DRD2: variants seen among roughly 807,000 people sequenced by gnomAD.
The protein encoded by DRD2 is D(2) dopamine receptor.
In DRD2, 8 loss-of-function variants were observed where a neutral mutation model predicts 38.0. The observed-to-expected ratio is 0.21, with a 90% CI of 0.12 to 0.38. DRD2 has a LOEUF of 0.38. DRD2 is among the 10% of genes least tolerant of loss of function. The pLI is 1.00. For missense variants in DRD2, 403 were observed against 607.7 expected (o/e 0.66, Z 3.54); for synonymous variants, 230 against 238.6 (o/e 0.96, Z 0.33).
rs114281160 is a variant in DRD2, at chr11:113,455,569, A to T, written c.-32+19507T>A. 6.5e-3 allele frequency among the ~76,000 whole-genome samples: 983 copies of T among 152,236 alleles called. 8 individuals carry two copies. Among genetic ancestry groups the T allele is most frequent in the African/African-American group, 0.023 (946 of 41,552 alleles). Reference sequence around the variant, plus strand: ...AGCTCATATACAAAACATATAAGGAACTCAAACTACTCAATACCAAGACAA... The same window carrying T: ...AGCTCATATACAAAACATATAAGGATCTCAAACTACTCAATACCAAGACAA... On this transcript the variant is annotated intron_variant, in intron 1 of 7. Coordinates refer to ENST00000362072, the MANE Select transcript of DRD2 (RefSeq NM_000795.4).
intron 1 of DRD2, among the ~76,000 whole-genome samples, chr11:113,470,836 G>A (rs1345994744): frequency 6.6e-6 from 1 of 152,146 alleles, no homozygotes; most frequent in Non-Finnish European, 1.5e-5. Flanking sequence ...GGAAGAGGGA[G>A]GCCTCAGACC....
chr11:113,467,736 A>G (rs760771517), intron 1 of DRD2, among the ~76,000 whole-genome samples: 9 of 152,226 alleles, frequency 5.9e-5, no homozygotes, highest in Non-Finnish European at 1.3e-4. Context: ...ATGAAAAGCT[A>G]TCACCAGGAT....
intron 1 of DRD2, among the ~76,000 whole-genome samples, chr11:113,454,117 A>G (rs1398291810): frequency 6.6e-6 from 1 of 152,222 alleles, no homozygotes; most frequent in African/African-American, 2.4e-5. Flanking sequence ...CAAATCAGCT[A>G]CAGTTTGAGT....
At chr11:113,419,515 C>T (rs1950863799) in intron 2 of DRD2, among the ~76,000 whole-genome samples, 1 of 148,362 alleles carries the variant, frequency 6.7e-6, no homozygotes, top group South Asian at 2.2e-4. Context: ...CACCCATTCA[C>T]ACACAGGCAC....
intron 1 of DRD2, among the ~76,000 whole-genome samples, chr11:113,437,148 A>T (rs909737334): frequency 1.3e-5 from 2 of 152,094 alleles, no homozygotes; most frequent in African/African-American, 4.8e-5. Context: ...GCCAGGCACC[A>T]CGTGAAGTGC....
At chr11:113,452,411 G>C (rs1335298771) in intron 1 of DRD2, among the ~76,000 whole-genome samples, 1 of 151,756 alleles carries the variant, frequency 6.6e-6, no homozygotes, top group East Asian at 1.9e-4. Context: ...TGAGGAGCAA[G>C]GGCTAGGGCC....
chr11:113,410,949 C>G (rs1950763925), intron 7 of DRD2, 29 bp from the exon 8 acceptor site: 7 of 1,594,002 alleles, frequency 4.4e-6, no homozygotes, highest in Non-Finnish European at 6.0e-6. Flanking sequence ...TCAGGCTGGT[C>G]CCCAGAGCCG....
At chr11:113,459,436 A>C (rs568531685) in intron 1 of DRD2, among the ~76,000 whole-genome samples, 1 of 152,362 alleles carries the variant, frequency 6.6e-6, no homozygotes, top group East Asian at 1.9e-4. Context: ...AGAATAAAAA[A>C]TCAGAGGACA....
intron 1 of DRD2, among the ~76,000 whole-genome samples, chr11:113,464,700 C>T (rs1951352030): frequency 6.6e-6 from 1 of 152,250 alleles, no homozygotes; most frequent in Non-Finnish European, 1.5e-5. Context: ...CCACAATTGC[C>T]TCTGCAGCCC....
At chr11:113,446,198 C>T (rs1046449182) in intron 1 of DRD2, among the ~76,000 whole-genome samples, 1 of 152,114 alleles carries the variant, frequency 6.6e-6, no homozygotes, top group Non-Finnish European at 1.5e-5. Context: ...GCCCTGATGA[C>T]AGATCTGATA....
chr11:113,451,291 A>G (rs1951207536), intron 1 of DRD2, among the ~76,000 whole-genome samples: 2 of 152,158 alleles, frequency 1.3e-5, no homozygotes, highest in Admixed American at 1.3e-4. Context: ...AAGGGCCTAA[A>G]CCTATGAGAT....
chr11:113,461,104 A>G (rs1028732447), intron 1 of DRD2, among the ~76,000 whole-genome samples: 45 of 152,218 alleles, frequency 3.0e-4, no homozygotes, highest in Admixed American at 2.6e-4. Context: ...CTGCTGGGAG[A>G]TATTACAGAC....
intron 1 of DRD2, among the ~76,000 whole-genome samples, chr11:113,463,079 C>T (rs565744053): frequency 5.3e-5 from 8 of 152,316 alleles, no homozygotes; most frequent in East Asian, 3.9e-4. Flanking sequence ...TGTGAGAAAA[C>T]GGGAATGTTG....
intron 1 of DRD2, among the ~76,000 whole-genome samples, chr11:113,428,838 G>A (rs539890447): frequency 6.6e-6 from 1 of 152,240 alleles, no homozygotes; most frequent in African/African-American, 2.4e-5. Context: ...TGTTGCCCAG[G>A]CTGGTCTCAC....
At chr11:113,418,244 T>G (rs1411311842) in intron 2 of DRD2, 108 bp from the exon 3 acceptor site, 2 of 900,616 alleles carry the variant, frequency 2.2e-6, no homozygotes, top group Non-Finnish European at 3.6e-6. Context: ...AGGAGGCAGC[T>G]GCAAGTCTTG....
chr11:113,437,708 T>C (rs1446806539), intron 1 of DRD2, among the ~76,000 whole-genome samples: 1 of 152,068 alleles, frequency 6.6e-6, no homozygotes, highest in Non-Finnish European at 1.5e-5. Flanking sequence ...CCGAGGAGTG[T>C]GGGCAAGAGC....
At chr11:113,469,729 G>T (rs966374734) in intron 1 of DRD2, among the ~76,000 whole-genome samples, 6 of 152,134 alleles carry the variant, frequency 3.9e-5, no homozygotes, top group Middle Eastern at 3.2e-3. Context: ...ACTCCCAGCT[G>T]CTCGGGTGGC....
At chr11:113,442,098 A>G (rs1284862514) in intron 1 of DRD2, among the ~76,000 whole-genome samples, 1 of 152,240 alleles carries the variant, frequency 6.6e-6, no homozygotes, top group Non-Finnish European at 1.5e-5. Context: ...TGAAAACAGC[A>G]TGGGTGTAGG....
At chr11:113,452,880 G>A (rs1487442084) in intron 1 of DRD2, among the ~76,000 whole-genome samples, 31 of 151,826 alleles carry the variant, frequency 2.0e-4, no homozygotes, top group Non-Finnish European at 1.5e-5. Context: ...TCAAACTCCT[G>A]AACTCAGGTG....
Sources: allele counts gnomAD v4.1 joint callset (sites outside exome capture counted in the v4.1 genomes callset), GRCh38; gene constraint gnomAD v4.1.1; transcripts MANE v1.5; gene names NCBI Gene and HGNC (gene_info 2026-07-23, HGNC 2026-07-21).